MAGI3: variants seen among roughly 807,000 people sequenced by gnomAD.
MAGI3 encodes the protein membrane-associated guanylate kinase, WW and PDZ domain-containing protein 3.
Under a neutral mutation model 121.8 loss-of-function variants are expected in MAGI3, and 43 were observed. That is an observed-to-expected ratio of 0.35 (90% CI 0.28 to 0.46). The LOEUF is 0.46. MAGI3 is among the 20% of genes least tolerant of loss of function. The pLI is 1.00. For synonymous variants in MAGI3, 553 were observed against 639.3 expected (o/e 0.86, Z 2.04); for missense variants, 1,547 against 1,797.3 (o/e 0.86, Z 2.52).
intron 19 of MAGI3, among the ~76,000 whole-genome samples, chr1:113,680,605 AAATTAGC>A (rs1282784022): frequency 2.0e-5 from 3 of 151,712 alleles, no homozygotes; most frequent in Non-Finnish European, 4.4e-5. Flanking sequence ...AAAATACAAA[AAATTAGC>A]CGGGCGTGGT....
At chr1:113,568,702 G>A (rs1432472223) in intron 2 of MAGI3, among the ~76,000 whole-genome samples, 1 of 151,962 alleles carries the variant, frequency 6.6e-6, no homozygotes, top group Admixed American at 6.6e-5. Context: ...GGAAATTAAT[G>A]ACTTTTAATA....
At chr1:113,653,683 T>A in intron 14 of MAGI3, 147 bp from the exon 15 acceptor site, 1 of 585,976 alleles carries the variant, frequency 1.7e-6, no homozygotes, top group Non-Finnish European at 2.8e-6. Context: ...ACTCAGATTA[T>A]ACCCGAAGCT....
intron 2 of MAGI3, among the ~76,000 whole-genome samples, chr1:113,571,396 A>T (rs1647284288): frequency 6.6e-6 from 1 of 152,148 alleles, no homozygotes; most frequent in African/African-American, 2.4e-5. Context: ...TTTCCATATG[A>T]AATTTAAAGT....
intron 1 of MAGI3, among the ~76,000 whole-genome samples, chr1:113,544,324 T>C (rs967093674): frequency 2.0e-5 from 3 of 152,196 alleles, no homozygotes; most frequent in East Asian, 3.9e-4. Flanking sequence ...TGGTTGTGTG[T>C]TGATGTGGTT....
intron 1 of MAGI3, among the ~76,000 whole-genome samples, chr1:113,514,427 A>G (rs1236634514): frequency 3.3e-5 from 5 of 152,106 alleles, no homozygotes; most frequent in East Asian, 1.9e-4. Flanking sequence ...CATATACACC[A>G]TGGAATACTA....
intron 15 of MAGI3, among the ~76,000 whole-genome samples, chr1:113,656,124 A>G (rs1403997518): frequency 6.6e-6 from 1 of 152,240 alleles, no homozygotes. Context: ...GATGAATTTT[A>G]TGTAAAGTAC....
chr1:113,394,592 G>A (rs192295227), intron 1 of MAGI3, among the ~76,000 whole-genome samples: 1 of 152,268 alleles, frequency 6.6e-6, no homozygotes, highest in East Asian at 1.9e-4. Flanking sequence ...TACAAGTAGT[G>A]AATTTTGTTC....
intron 1 of MAGI3, among the ~76,000 whole-genome samples, chr1:113,431,752 G>A (rs1653309818): frequency 6.6e-6 from 1 of 152,062 alleles, no homozygotes; most frequent in South Asian, 2.1e-4. Flanking sequence ...CAGATAGGGC[G>A]ACTGAATATC....
intron 2 of MAGI3, among the ~76,000 whole-genome samples, chr1:113,550,484 G>A (rs1659732198): frequency 1.3e-5 from 2 of 151,852 alleles, no homozygotes; most frequent in Non-Finnish European, 2.9e-5. Context: ...GTGATGACTA[G>A]AATTTAAGAT....
intron 15 of MAGI3, among the ~76,000 whole-genome samples, chr1:113,657,157 G>A (rs530515185): frequency 6.6e-6 from 1 of 152,266 alleles, no homozygotes; most frequent in African/African-American, 2.4e-5. Context: ...GAATGAAGAT[G>A]GATAAGTTGG....
In MAGI3 at chr1:113,684,096, TC is replaced by T. The variant is rs1648401557; in HGVS notation, c.*83del. On this transcript the variant is annotated 3_prime_UTR_variant, in exon 21 of 21. Transcript: ENST00000307546. ...TCCAGAAAAAGCCTTTTTTTTTTTT[TC>T]AGATATTCTGAAACAGATAAGTACA... 1.8e-5 allele frequency: 23 copies of T among 1,302,538 alleles called. No individual in the cohort carries two copies. Among genetic ancestry groups the T allele is most frequent in the South Asian group, 6.6e-5 (4 of 60,832 alleles). The allele number at this position is 1,302,538 out of a possible 1,614,324, so 80.7% of individuals were successfully genotyped here.
chr1:113,449,688 T>C (rs1339945853), intron 1 of MAGI3: 3 of 796,414 alleles, frequency 3.8e-6, no homozygotes, highest in Non-Finnish European at 6.7e-6. Flanking sequence ...AAGAGGCGAG[T>C]CTGGTCTCAA....
At chr1:113,595,622 G>T (rs1353680063) in intron 6 of MAGI3, among the ~76,000 whole-genome samples, 5 of 152,178 alleles carry the variant, frequency 3.3e-5, no homozygotes, top group Admixed American at 3.3e-4. Flanking sequence ...AAATGGAATT[G>T]TTTAAAATTC....
intron 1 of MAGI3, among the ~76,000 whole-genome samples, chr1:113,530,557 T>TA (rs1349796110): frequency 6.6e-6 from 1 of 151,762 alleles, no homozygotes; most frequent in African/African-American, 2.4e-5. Context: ...GACACGCACT[T>TA]ATATAACAAT....
chr1:113,419,998 T>A (rs906637726), intron 1 of MAGI3, among the ~76,000 whole-genome samples: 1 of 152,160 alleles, frequency 6.6e-6, no homozygotes, highest in African/African-American at 2.4e-5. Context: ...AGAAGGATCT[T>A]TGTGATGATA....
intron 19 of MAGI3, among the ~76,000 whole-genome samples, 172 bp downstream of exon 19, chr1:113,673,637 C>G (rs1647694573): frequency 6.6e-6 from 1 of 152,176 alleles, no homozygotes; most frequent in South Asian, 2.1e-4. Flanking sequence ...TTTCTAACGC[C>G]CTGATGATTT....
chr1:113,624,669 A>T (rs1651108324), intron 9 of MAGI3, among the ~76,000 whole-genome samples: 1 of 152,208 alleles, frequency 6.6e-6, no homozygotes. Flanking sequence ...CTGTCTCTTC[A>T]CTTGACTGAT....
At chr1:113,625,795 T>C (rs575029589) in intron 9 of MAGI3, among the ~76,000 whole-genome samples, 1 of 152,332 alleles carries the variant, frequency 6.6e-6, no homozygotes, top group South Asian at 2.1e-4. Context: ...ACTTTCAGTT[T>C]TTCCCTCATT....
intron 1 of MAGI3, among the ~76,000 whole-genome samples, chr1:113,458,711 G>A (rs960527237): frequency 1.3e-5 from 2 of 151,660 alleles, no homozygotes; most frequent in African/African-American, 4.8e-5. Flanking sequence ...TTGTGGATAC[G>A]AGGTCTTACT....
Sources: gnomAD v4.1 joint callset for allele counts (sites outside exome capture counted in the v4.1 genomes callset) on GRCh38, gnomAD v4.1.1 for gene constraint, MANE v1.5 for transcripts, NCBI Gene and HGNC (gene_info 2026-07-23, HGNC 2026-07-21) for gene names.